RAP1GAP2: variants seen among roughly 807,000 people sequenced by gnomAD.
RAP1GAP2 encodes the protein RAP1 GTPase activating protein 2.
A neutral mutation model predicts 95.0 loss-of-function variants in RAP1GAP2; 27 were observed. That is an observed-to-expected ratio of 0.28 (90% CI 0.21 to 0.39). The LOEUF is 0.39. RAP1GAP2 is among the 10% of genes least tolerant of loss of function. The probability of loss-of-function intolerance (pLI) is 1.00; values close to 1 mark genes in which losing one functional copy is unlikely to be tolerated. For missense variants in RAP1GAP2, 771 were observed against 970.0 expected (o/e 0.79, Z 2.72); for synonymous variants, 373 against 380.9 (o/e 0.98, Z 0.24).
At chr17:2,837,844 G>C (rs574462491) in intron 2 of RAP1GAP2, among the ~76,000 whole-genome samples, 84 of 151,674 alleles carry the variant, frequency 5.5e-4, no homozygotes, top group African/African-American at 1.9e-3. Context: ...CTGACCTTGT[G>C]ATCTGTCTGC....
intron 1 of RAP1GAP2, among the ~76,000 whole-genome samples, chr17:2,780,303 G>A (rs555568521): frequency 0.14 from 21,910 of 152,216 alleles, 1,823 homozygotes; most frequent in East Asian, 0.33. Flanking sequence ...CGCCCGCCCT[G>A]GCCTCCCAAA....
At position 2,906,815 on chromosome 17, in the gene RAP1GAP2, T is replaced by G. The variant is rs2042212380; in HGVS notation, c.165+1447T>G. Among the ~76,000 whole-genome samples, 2 of 152,224 alleles carry G rather than the reference T, an allele frequency of 1.3e-5. No individual in the cohort carries two copies. The highest frequency in any genetic ancestry group is 2.1e-4 in the South Asian group (1 of 4,838). On this transcript the variant is annotated intron_variant, in intron 3 of 24. Transcript: ENST00000254695. The surrounding 1 kb of genome is among the most constrained non-coding windows in gnomAD (Gnocchi z 4.3). Reference sequence around the variant, plus strand: ...GATTTTACTTACTCATGTACTCATTTAATTCATTTAATACCCAGTATTTAT... The same window carrying G: ...GATTTTACTTACTCATGTACTCATTGAATTCATTTAATACCCAGTATTTAT...
At position 2,904,506 on chromosome 17, in the gene RAP1GAP2, C is replaced by T. The variant is rs1432774073; in HGVS notation, c.81-778C>T. Among the ~76,000 whole-genome samples the T allele has an allele frequency of 1.4e-5, 2 of 146,086 alleles. No homozygotes were observed. The highest frequency in any genetic ancestry group is 2.5e-5 in the African/African-American group (1 of 40,028). ...TTGCACGGCAGGCAGCCCTGTCTCCCGAGGACAGCTTTTTGACCAGGGCCT... is the reference window on the plus strand; with the variant it reads ...TTGCACGGCAGGCAGCCCTGTCTCCTGAGGACAGCTTTTTGACCAGGGCCT... On this transcript the variant is annotated intron_variant, in intron 2 of 24. Coordinates refer to ENST00000254695, the MANE Select transcript of RAP1GAP2 (RefSeq NM_015085.5). This position sits in a 1 kb window ranked among gnomAD's most constrained non-coding sequence, Gnocchi z 4.7.
rs1430346090 is a variant in RAP1GAP2 at position 3,005,275 on chromosome 17, G to A, written c.1201-94G>A. ...TTTGTGTTCTGGGAAGAGGAGGAGG[G>A]AGAAGGTGAGTAGCTTTGTAAGGAG... is the stretch of plus-strand genomic sequence containing the variant. On this transcript the variant is annotated intron_variant, in intron 14 of 24. Coordinates refer to ENST00000254695, the MANE Select transcript of RAP1GAP2 (RefSeq NM_015085.5). This position sits in a 1 kb window ranked among gnomAD's most constrained non-coding sequence, Gnocchi z 5.2. The A allele has an allele frequency of 1.7e-6, 2 of 1,201,418 alleles. No homozygotes were observed. Among genetic ancestry groups the A allele is most frequent in the South Asian group, 1.2e-5 (1 of 82,900 alleles). 74.4% of individuals were successfully genotyped at this position (1,201,418 alleles called of 1,614,324 possible). A position where few individuals can be genotyped will look rare whatever the true frequency, so the allele number is the denominator to read the frequency against.
chr17:2,866,200 G>A lies in RAP1GAP2; in HGVS notation c.81-39084G>A, dbSNP rs777588747. On this transcript the variant is annotated intron_variant, in intron 2 of 24. Transcript: ENST00000254695. The surrounding 1 kb of genome is among the most constrained non-coding windows in gnomAD (Gnocchi z 4.0). ...GAGTGGGAAGCACATCCCCAAAGGA[G>A]ACAGTGGAAGACAAGGGGCCAAGAT... 1.3e-5 allele frequency among the ~76,000 whole-genome samples: 2 copies of A among 152,246 alleles called. No homozygotes were observed. The highest frequency in any genetic ancestry group is 2.9e-5 in the Non-Finnish European group (2 of 68,044).
chr17:2,834,377 G>A (rs565683051), intron 2 of RAP1GAP2, among the ~76,000 whole-genome samples: 1 of 152,294 alleles, frequency 6.6e-6, no homozygotes, highest in South Asian at 2.1e-4. Context: ...CTCAAACCCA[G>A]GAACAAGTTC....
chr17:3,022,202 C>T (rs1312431253), intron 19 of RAP1GAP2, among the ~76,000 whole-genome samples: 2 of 152,180 alleles, frequency 1.3e-5, no homozygotes, highest in African/African-American at 4.8e-5. Flanking sequence ...GAGATGATAG[C>T]TTATTGTGGT....
At position 2,796,810 on chromosome 17, in the gene RAP1GAP2, C is replaced by T. The variant is rs1003330936; in HGVS notation, c.44+239C>T. On this transcript the variant is annotated intron_variant, in intron 1 of 24. Coordinates refer to ENST00000254695, the MANE Select transcript of RAP1GAP2 (RefSeq NM_015085.5). The surrounding 1 kb of genome is among the most constrained non-coding windows in gnomAD (Gnocchi z 4.7). The stretch of plus-strand genomic sequence containing the variant: ...ATCCTGGAGGTCTGCGCCGGCTGCC[C>T]GTGGGGAGGTGGATAGCATGAGTGT... Among the ~76,000 whole-genome samples, 4 of 151,992 alleles carry T rather than the reference C, an allele frequency of 2.6e-5. No homozygotes were observed. The highest frequency in any genetic ancestry group is 1.9e-4 in the East Asian group (1 of 5,186).
At chr17:2,938,076 G>T (rs2043357672) in intron 3 of RAP1GAP2, among the ~76,000 whole-genome samples, 1 of 152,196 alleles carries the variant, frequency 6.6e-6, no homozygotes, top group African/African-American at 2.4e-5. Context: ...CTGGGAGGAA[G>T]GATCGATGAT....
chr17:3,015,879 T>C (rs953457472), intron 17 of RAP1GAP2, among the ~76,000 whole-genome samples: 1 of 151,810 alleles, frequency 6.6e-6, no homozygotes, highest in African/African-American at 2.4e-5. Context: ...AGACCATCTG[T>C]AGGTTACACA....
At chr17:2,899,577 C>T (rs1292216559) in intron 2 of RAP1GAP2, among the ~76,000 whole-genome samples, 3 of 152,032 alleles carry the variant, frequency 2.0e-5, no homozygotes, top group Non-Finnish European at 4.4e-5. Context: ...GTGGCACAAT[C>T]TTGGCTCACT....
intron 2 of RAP1GAP2, among the ~76,000 whole-genome samples, chr17:2,801,168 C>A (rs1305923407): frequency 6.6e-6 from 1 of 151,044 alleles, no homozygotes; most frequent in African/African-American, 2.4e-5. Context: ...ATCTTCCTAT[C>A]ACTTTAGTTT....
At chr17:2,828,663 C>T (rs926723573) in intron 2 of RAP1GAP2, among the ~76,000 whole-genome samples, 3 of 152,122 alleles carry the variant, frequency 2.0e-5, no homozygotes, top group Non-Finnish European at 2.9e-5. Context: ...CAGGTGGGGC[C>T]GCGGGTTCTT....
chr17:2,761,743 G>C (rs1489416139), intron 1 of RAP1GAP2, among the ~76,000 whole-genome samples: 2 of 152,102 alleles, frequency 1.3e-5, no homozygotes, highest in Non-Finnish European at 2.9e-5. Flanking sequence ...GAATTTGTTT[G>C]AGAAAAGAAA....
At chr17:2,839,595 A>G (rs1001399470) in intron 2 of RAP1GAP2, among the ~76,000 whole-genome samples, 4 of 152,082 alleles carry the variant, frequency 2.6e-5, no homozygotes, top group African/African-American at 7.2e-5. Flanking sequence ...CAGGAACCAC[A>G]TTACATTTAG....
intron 3 of RAP1GAP2, among the ~76,000 whole-genome samples, chr17:2,935,164 G>A (rs1467769251): frequency 1.3e-5 from 2 of 152,172 alleles, no homozygotes; most frequent in Non-Finnish European, 2.9e-5. Flanking sequence ...GTGACAGAGT[G>A]GATGTGATGA....
chr17:2,860,469 C>A (rs1322971048), intron 2 of RAP1GAP2, among the ~76,000 whole-genome samples: 1 of 151,950 alleles, frequency 6.6e-6, no homozygotes, highest in East Asian at 1.9e-4. Flanking sequence ...GCTTGGTCTC[C>A]TGGCTTCTAG....
rs560172643 is a variant in RAP1GAP2 at position 2,827,579 on chromosome 17, G to A, written c.80+27029G>A. On this transcript the variant is annotated intron_variant, in intron 2 of 24. Coordinates refer to ENST00000254695, the MANE Select transcript of RAP1GAP2 (RefSeq NM_015085.5). This position sits in a 1 kb window ranked among gnomAD's most constrained non-coding sequence, Gnocchi z 4.1. Reference sequence around the variant, plus strand: ...TCCCAGCACTTTGGGAGGCCAAGGCGGGTGGATCACCTGAGGTCAGGGGTT... The same window carrying A: ...TCCCAGCACTTTGGGAGGCCAAGGCAGGTGGATCACCTGAGGTCAGGGGTT... Among the ~76,000 whole-genome samples the A allele has an allele frequency of 9.5e-4, 144 of 151,458 alleles. No homozygotes were observed. Among genetic ancestry groups the A allele is most frequent in the Admixed American group, 1.6e-3 (24 of 15,210 alleles).
At chr17:2,784,836 T>C (rs2068737436) in intron 1 of RAP1GAP2, among the ~76,000 whole-genome samples, 1 of 152,156 alleles carries the variant, frequency 6.6e-6, no homozygotes, top group South Asian at 2.1e-4. Context: ...CTGATGGAGA[T>C]ACCATGAGGG....
Sources: allele counts gnomAD v4.1 joint callset (sites outside exome capture counted in the v4.1 genomes callset), GRCh38; gene constraint gnomAD v4.1.1; non-coding constraint Gnocchi (gnomAD v3.1); transcripts MANE v1.5; gene names NCBI Gene and HGNC (gene_info 2026-07-23, HGNC 2026-07-21).